The following FNBP1 variants were observed in gnomAD, a reference collection of about 807,000 sequenced individuals.
FNBP1 encodes the protein formin-binding protein 1.
FNBP1 carries 26 observed loss-of-function variants against 90.6 expected under a neutral mutation model. That is an observed-to-expected ratio of 0.29 (90% CI 0.21 to 0.40). The LOEUF (loss-of-function observed/expected upper bound fraction) is 0.40, where lower values mean the gene tolerates loss of function less well. FNBP1 is among the 10% of genes least tolerant of loss of function. FNBP1 has a pLI of 1.00. For synonymous variants in FNBP1, 260 were observed against 265.2 expected, an observed-to-expected ratio of 0.98 and a Z score of 0.19; for missense variants, 635 against 768.0, an observed-to-expected ratio of 0.83 and a Z score of 2.05.
chr9:129,965,701 C>CGT (rs1413572589), intron 4 of FNBP1, among the ~76,000 whole-genome samples: 32 of 106,362 alleles, frequency 3.0e-4, no homozygotes, highest in Non-Finnish European at 4.9e-4. Context: ...CACACACGCG[C>CGT]GCGCGCGCAC....
intron 4 of FNBP1, among the ~76,000 whole-genome samples, chr9:129,969,616 A>C (rs986424187): frequency 6.6e-6 from 1 of 152,050 alleles, no homozygotes; most frequent in African/African-American, 2.4e-5. Context: ...CAATTATTTA[A>C]ACTACACTTT....
intron 6 of FNBP1, among the ~76,000 whole-genome samples, chr9:129,934,319 CAG>C (rs2043139352): frequency 6.6e-6 from 1 of 152,146 alleles, no homozygotes; most frequent in Admixed American, 6.5e-5. Context: ...GAAAGATGTA[CAG>C]AGAGTTGGCT....
chr9:130,037,662 G>A (rs2059444192), intron 1 of FNBP1, among the ~76,000 whole-genome samples: 1 of 152,118 alleles, frequency 6.6e-6, no homozygotes, highest in Non-Finnish European at 1.5e-5. Context: ...CTTAGACTGT[G>A]TGTATTTGGG....
rs111361939 is a variant in FNBP1 at position 129,971,294 on chromosome 9, T to C, written c.345+7171A>G. On this transcript the variant is annotated intron_variant, in intron 4 of 16. Coordinates refer to ENST00000446176, the MANE Select transcript of FNBP1 (RefSeq NM_015033.3). ...ATTCATAACATTAAAATGAACTGCGTTGTGATACAAAAATACAGTATATGT... is the reference window on the plus strand; with the variant it reads ...ATTCATAACATTAAAATGAACTGCGCTGTGATACAAAAATACAGTATATGT... 5.9e-3 allele frequency among the ~76,000 whole-genome samples: 905 copies of C among 152,238 alleles called. 9 individuals are homozygous for C. The highest frequency in any genetic ancestry group is 0.021 in the African/African-American group (867 of 41,540).
chr9:130,052,953 T>C, the FNBP1 span, among the ~76,000 whole-genome samples: 1 of 151,714 alleles, frequency 6.6e-6, no homozygotes, highest in Non-Finnish European at 1.5e-5. Context: ...CCGTGTCTAC[T>C]AAAAATACAA....
chr9:130,022,147 T>C (rs1407064703), intron 1 of FNBP1, among the ~76,000 whole-genome samples: 1 of 150,764 alleles, frequency 6.6e-6, no homozygotes, highest in Non-Finnish European at 1.5e-5. Flanking sequence ...GCGTGAGCCA[T>C]TGCACCCAGC....
intron 2 of FNBP1, among the ~76,000 whole-genome samples, chr9:129,991,401 G>T (rs1023248409): frequency 4.0e-5 from 6 of 151,682 alleles, no homozygotes; most frequent in African/African-American, 1.5e-4. Flanking sequence ...CTCTCAAGTA[G>T]CTGGGACTAC....
At chr9:129,963,973 A>G (rs909553776) in intron 4 of FNBP1, among the ~76,000 whole-genome samples, 4 of 152,064 alleles carry the variant, frequency 2.6e-5, no homozygotes, top group Non-Finnish European at 5.9e-5. Context: ...CATACGAAAA[A>G]CTATCCGTGC....
At chr9:129,973,345 C>T (rs576543816) in intron 4 of FNBP1, among the ~76,000 whole-genome samples, 22 of 152,318 alleles carry the variant, frequency 1.4e-4, no homozygotes, top group South Asian at 8.3e-4. Context: ...GAAATGATAG[C>T]ATTCCACTGT....
At chr9:129,970,545 G>C (rs1366928204) in intron 4 of FNBP1, among the ~76,000 whole-genome samples, 1 of 152,184 alleles carries the variant, frequency 6.6e-6, no homozygotes, top group Admixed American at 6.5e-5. Flanking sequence ...AATGATATCA[G>C]GAAGAAAGCT....
intron 4 of FNBP1, among the ~76,000 whole-genome samples, chr9:129,976,252 T>C (rs1454720207): frequency 2.0e-5 from 3 of 152,098 alleles, no homozygotes; most frequent in Admixed American, 6.6e-5. Flanking sequence ...CTGTATATTG[T>C]AGGAGGCTTA....
intron 1 of FNBP1, among the ~76,000 whole-genome samples, chr9:130,024,452 A>G (rs967478847): frequency 6.6e-6 from 1 of 152,092 alleles, no homozygotes; most frequent in African/African-American, 2.4e-5. Context: ...ACTATTGCAC[A>G]TTGGTGACAC....
At chr9:129,915,366 C>CAT (rs1232643734) in intron 11 of FNBP1, among the ~76,000 whole-genome samples, 11 of 151,896 alleles carry the variant, frequency 7.2e-5, no homozygotes, top group African/African-American at 2.2e-4. Flanking sequence ...TATTTACGTT[C>CAT]ATATATATAT....
In FNBP1 at chr9:129,925,235, G is replaced by A. The variant is rs746625732; in HGVS notation, c.790-78C>T. On this transcript the variant is annotated intron_variant, in intron 8 of 16. Transcript: ENST00000446176. Reference sequence around the variant, plus strand: ...TTTAAACAATGAATTGGCCAGGTGCGGTGGCTCATGCCTGTAATCCCAGCA... The same window carrying A: ...TTTAAACAATGAATTGGCCAGGTGCAGTGGCTCATGCCTGTAATCCCAGCA... 5.0e-5 allele frequency: 58 copies of A among 1,164,716 alleles called. No homozygotes were observed. In the Admixed American group the frequency reaches 9.2e-4, roughly 18 times the overall value. The allele number at this position is 1,164,716 out of a possible 1,614,324, so 72.1% of individuals were successfully genotyped here.
intron 1 of FNBP1, among the ~76,000 whole-genome samples, chr9:130,021,829 G>T (rs1197312364): frequency 6.6e-6 from 1 of 152,144 alleles, no homozygotes; most frequent in Non-Finnish European, 1.5e-5. Context: ...TTAGCCCTTT[G>T]TCGTCTAAGA....
chr9:129,925,846 G>A (rs1358295731), intron 8 of FNBP1, among the ~76,000 whole-genome samples: 3 of 151,668 alleles, frequency 2.0e-5, no homozygotes, highest in South Asian at 2.1e-4. Context: ...CGCCTGCCTC[G>A]GCTTCCCAAA....
chr9:129,933,839 T>G (rs1422292076), intron 6 of FNBP1, among the ~76,000 whole-genome samples: 1 of 152,182 alleles, frequency 6.6e-6, no homozygotes, highest in African/African-American at 2.4e-5. Context: ...AAGACAGGAC[T>G]GTCTTTTTCT....
At chr9:129,903,640 C>G (rs1041572784) in intron 12 of FNBP1, among the ~76,000 whole-genome samples, 7 of 152,032 alleles carry the variant, frequency 4.6e-5, no homozygotes, top group Non-Finnish European at 5.9e-5. Flanking sequence ...AAAGCCAATA[C>G]TTTAAAAATT....
chr9:129,907,193 C>T (rs1468748159), intron 12 of FNBP1, among the ~76,000 whole-genome samples: 1 of 151,384 alleles, frequency 6.6e-6, no homozygotes, highest in African/African-American at 2.4e-5. Flanking sequence ...TTTTTTACTT[C>T]TACATTTCTA....
Sources: gnomAD v4.1 joint callset for allele counts (sites outside exome capture counted in the v4.1 genomes callset) on GRCh38, gnomAD v4.1.1 for gene constraint, MANE v1.5 for transcripts, NCBI Gene and HGNC (gene_info 2026-07-23, HGNC 2026-07-21) for gene names.